The following ST8SIA5 variants were observed in gnomAD, a reference collection of about 807,000 sequenced individuals.
ST8SIA5 encodes the protein ST8 alpha-N-acetyl-neuraminide alpha-2,8-sialyltransferase 5.
A neutral mutation model predicts 40.2 loss-of-function variants in ST8SIA5; 24 were observed. The ratio of observed to expected loss-of-function variants is 0.60; its 90% CI spans 0.43 to 0.84. The LOEUF (loss-of-function observed/expected upper bound fraction) is 0.84, where lower values mean the gene tolerates loss of function less well. Among genes scored for constraint, ST8SIA5 ranks in the 40% least tolerant of loss-of-function variants. The pLI, the probability that ST8SIA5 is intolerant of heterozygous loss-of-function variation, is 0.00. For synonymous variants in ST8SIA5, 198 were observed against 201.8 expected (o/e 0.98, Z 0.16); for missense variants, 465 against 498.5 (o/e 0.93, Z 0.64).
intron 3 of ST8SIA5, among the ~76,000 whole-genome samples, chr18:46,690,392 C>T (rs1568252711): frequency 6.6e-6 from 1 of 152,136 alleles, no homozygotes; most frequent in Non-Finnish European, 1.5e-5. Flanking sequence ...AGGCAATGAC[C>T]AGCCTGGAAG....
At chr18:46,685,179 A>C (rs958858489) in intron 5 of ST8SIA5, among the ~76,000 whole-genome samples, 2 of 152,188 alleles carry the variant, frequency 1.3e-5, no homozygotes, top group Non-Finnish European at 2.9e-5. Context: ...TGTGCCTAGC[A>C]ATGCTGGAGC....
intron 1 of ST8SIA5, among the ~76,000 whole-genome samples, chr18:46,708,352 T>G (rs552489266): frequency 4.7e-4 from 71 of 152,148 alleles, no homozygotes; most frequent in Non-Finnish European, 4.1e-4. Context: ...AAGCCCACAC[T>G]AAGTCCTGCT....
chr18:46,719,852 T>G (rs1390909913), intron 1 of ST8SIA5, among the ~76,000 whole-genome samples: 3 of 151,146 alleles, frequency 2.0e-5, no homozygotes, highest in African/African-American at 4.9e-5. Context: ...CTCTCTTTCT[T>G]TTTTTTGACA....
intron 1 of ST8SIA5, among the ~76,000 whole-genome samples, chr18:46,733,632 G>A (rs764461602): frequency 2.6e-5 from 4 of 152,108 alleles, no homozygotes; most frequent in Non-Finnish European, 4.4e-5. Context: ...GGGGCTTGGG[G>A]TGGGGGAGGA....
chr18:46,723,923 T>C (rs563494437), intron 1 of ST8SIA5, among the ~76,000 whole-genome samples: 28 of 149,040 alleles, frequency 1.9e-4, no homozygotes, highest in Non-Finnish European at 1.9e-4. Context: ...CAAAACTCCA[T>C]CTAAAAAAAA....
chr18:46,713,561 C>A (rs777208179), intron 1 of ST8SIA5, among the ~76,000 whole-genome samples: 7 of 152,058 alleles, frequency 4.6e-5, no homozygotes, highest in African/African-American at 9.7e-5. Flanking sequence ...CAAGGACAGG[C>A]CTGAGGTCAG....
At chr18:46,720,219 C>T (rs956282964) in intron 1 of ST8SIA5, among the ~76,000 whole-genome samples, 2 of 152,098 alleles carry the variant, frequency 1.3e-5, no homozygotes, top group South Asian at 2.1e-4. Flanking sequence ...GCTGACTTAC[C>T]TAGACTGCTC....
At chr18:46,741,422 G>A (rs925776881) in intron 1 of ST8SIA5, among the ~76,000 whole-genome samples, 3 of 152,178 alleles carry the variant, frequency 2.0e-5, no homozygotes, top group Non-Finnish European at 2.9e-5. Context: ...AACATTAGGT[G>A]CAGATGGTTG....
At chr18:46,734,172 C>T (rs560377805) in intron 1 of ST8SIA5, among the ~76,000 whole-genome samples, 140 of 152,268 alleles carry the variant, frequency 9.2e-4, no homozygotes, top group Admixed American at 5.7e-3. Flanking sequence ...CCAGGTTCTG[C>T]GCTCCCTTGC....
intron 3 of ST8SIA5, 136 bp downstream of exon 3, chr18:46,692,033 T>C (rs934957298): frequency 5.8e-6 from 5 of 859,192 alleles, no homozygotes; most frequent in Admixed American, 2.0e-5. Context: ...ACTGCCCGGA[T>C]TCCTAAGCCC....
chr18:46,748,991 C>T (rs2040170025), intron 1 of ST8SIA5, among the ~76,000 whole-genome samples: 1 of 152,166 alleles, frequency 6.6e-6, no homozygotes, highest in African/African-American at 2.4e-5. Context: ...AAACAGAATG[C>T]AGTCTATCCA....
chr18:46,717,653 C>T lies in ST8SIA5; in HGVS notation c.132-12989G>A, dbSNP rs547584845. Among the ~76,000 whole-genome samples the T allele has an allele frequency of 8.5e-5, 13 of 152,272 alleles. No individual in the cohort carries two copies. The East Asian group carries it at 2.3e-3, about 27-fold the overall frequency. ...CTCTTTTCAAGAGCGAATTCTCTGGCAATTCCAGCCTGTGAATGAGTTTCT... is the reference window on the plus strand; with the variant it reads ...CTCTTTTCAAGAGCGAATTCTCTGGTAATTCCAGCCTGTGAATGAGTTTCT... On this transcript the variant is annotated intron_variant, in intron 1 of 6. Transcript: ENST00000315087.
intron 1 of ST8SIA5, among the ~76,000 whole-genome samples, chr18:46,752,837 T>C (rs138402228): frequency 0.017 from 2,642 of 152,306 alleles, 45 homozygotes; most frequent in Admixed American, 0.032. Flanking sequence ...ATCCCCTGGC[T>C]CTGAAGTGGA....
Position 46,680,220 on chromosome 18 carries a change from A to T in ST8SIA5, c.953T>A (p.Leu318His). The T allele has an allele frequency of 6.2e-7, 1 of 1,614,220 alleles. No individual in the cohort carries two copies. The highest frequency in any genetic ancestry group is 1.1e-5 in the South Asian group (1 of 91,078). The change falls in exon 7 of 7, where the codon CTC becomes CAC. Residue 318 changes from leucine (L) to histidine (H), a missense_variant. Transcript: ENST00000315087. ...AALELCEEVH[L>H]FGFWAFPMNP... ...CATGGGGAAGGCCCAGAAGCCAAAG[A>T]GGTGCACCTCCTCACAGAGCTCCAG...
chr18:46,720,526 C>T (rs2144527347), intron 1 of ST8SIA5, among the ~76,000 whole-genome samples: 2 of 152,258 alleles, frequency 1.3e-5, no homozygotes, highest in East Asian at 3.9e-4. Flanking sequence ...CTTGAAAAAC[C>T]CATTACTTCT....
At position 46,668,987 on chromosome 18, in the gene ST8SIA5, C is replaced by T. The variant is rs3826588; in HGVS notation, c.*11055G>A. On this transcript the variant is annotated 3_prime_UTR_variant, in exon 7 of 7. Coordinates refer to ENST00000315087, the MANE Select transcript of ST8SIA5 (RefSeq NM_013305.6). ...CATGGTCCCTGACCCCAGCTTGCCC[C>T]GCTCTCCTGCTTTGCTCAGGCCTGT... 0.23 allele frequency: 34,454 copies of T among 152,420 alleles called. 4,540 individuals are homozygous for T. The highest frequency in any genetic ancestry group is 0.38 in the Middle Eastern group (113 of 296). 9.4% of individuals were successfully genotyped at this position (152,420 alleles called of 1,614,324 possible). A position where few individuals can be genotyped will look rare whatever the true frequency, so the allele number is the denominator to read the frequency against.
intron 5 of ST8SIA5, chr18:46,685,969 G>A (rs2144468056): frequency 3.3e-6 from 2 of 599,550 alleles, no homozygotes; most frequent in Non-Finnish European, 6.0e-6. Flanking sequence ...CCATTGTGCA[G>A]ATGTGGAAAC....
At chr18:46,712,841 G>C (rs1355771575) in intron 1 of ST8SIA5, among the ~76,000 whole-genome samples, 1 of 152,182 alleles carries the variant, frequency 6.6e-6, no homozygotes, top group African/African-American at 2.4e-5. Context: ...AAAAAAAGCA[G>C]GACAAGGAAT....
intron 1 of ST8SIA5, among the ~76,000 whole-genome samples, chr18:46,749,638 G>A (rs1382469468): frequency 6.6e-6 from 1 of 152,158 alleles, no homozygotes; most frequent in Non-Finnish European, 1.5e-5. Flanking sequence ...ATTTCTATAT[G>A]CCAGCTACGA....
Sources: gnomAD v4.1 joint callset for allele counts (sites outside exome capture counted in the v4.1 genomes callset) on GRCh38, gnomAD v4.1.1 for gene constraint, MANE v1.5 for transcripts, NCBI Gene and HGNC (gene_info 2026-07-23, HGNC 2026-07-21) for gene names.